The following ASTN2 variants were observed in gnomAD, a reference collection of about 807,000 sequenced individuals.
ASTN2 encodes the protein astrotactin-2.
Under a neutral mutation model 139.8 loss-of-function variants are expected in ASTN2, and 54 were observed. The observed-to-expected ratio is 0.39, with a 90% CI of 0.31 to 0.48. The LOEUF is 0.48. Ranked by LOEUF, ASTN2 falls within the 20% of genes least tolerant of loss-of-function variation. The probability of loss-of-function intolerance (pLI) is 0.95; values close to 1 mark genes in which losing one functional copy is unlikely to be tolerated. For synonymous variants in ASTN2, 756 were observed against 719.5 expected (o/e 1.05, Z -0.81); for missense variants, 1,565 against 1,725.1 (o/e 0.91, Z 1.64).
intron 1 of ASTN2, among the ~76,000 whole-genome samples, chr9:117,320,862 C>T (rs547746570): frequency 6.6e-6 from 1 of 152,292 alleles, no homozygotes; most frequent in South Asian, 2.1e-4. Flanking sequence ...ACTTTGCATC[C>T]CAGCCTGGGA....
chr9:116,827,461 T>C (rs1205509905), intron 11 of ASTN2, among the ~76,000 whole-genome samples: 1 of 151,816 alleles, frequency 6.6e-6, no homozygotes, highest in African/African-American at 2.4e-5. Flanking sequence ...GAAAAAATAA[T>C]TTTTTGAAAT....
chr9:117,358,823 T>G (rs527701714), intron 1 of ASTN2, among the ~76,000 whole-genome samples: 4 of 152,178 alleles, frequency 2.6e-5, no homozygotes, highest in Non-Finnish European at 4.4e-5. Flanking sequence ...TCTCATTCTG[T>G]CGTTCCTCTC....
intron 19 of ASTN2, among the ~76,000 whole-genome samples, chr9:116,560,980 T>C (rs1479997297): frequency 6.6e-6 from 1 of 152,144 alleles, no homozygotes; most frequent in Non-Finnish European, 1.5e-5. Flanking sequence ...GTTGTTATGC[T>C]AGGATGGGGT....
intron 20 of ASTN2, among the ~76,000 whole-genome samples, chr9:116,463,061 C>T (rs1848541498): frequency 6.6e-6 from 1 of 152,048 alleles, no homozygotes; most frequent in African/African-American, 2.4e-5. Context: ...CCCAACCCTT[C>T]CCTCTGTCTC....
At chr9:117,237,490 C>T (rs563183117) in intron 2 of ASTN2, among the ~76,000 whole-genome samples, 50 of 152,092 alleles carry the variant, frequency 3.3e-4, no homozygotes, top group African/African-American at 1.2e-3. Flanking sequence ...AGGCTGAGTT[C>T]TTCTTTTGAG....
Position 116,876,983 on chromosome 9 carries a change from C to A in ASTN2, c.1890-13250G>T, listed in dbSNP as rs141846729. Among the ~76,000 whole-genome samples the A allele has an allele frequency of 1.6e-4, 25 of 152,328 alleles. No individual in the cohort carries two copies. In the East Asian group the frequency reaches 4.6e-3, roughly 28 times the overall value. ...CAAAACAAACATGTGCTTTGTCCCT[C>A]TGGGGCTTACAGTTGTTGGGACAAG... On this transcript the variant is annotated intron_variant, in intron 10 of 22. Transcript: ENST00000313400.
intron 1 of ASTN2, among the ~76,000 whole-genome samples, chr9:117,319,189 T>C (rs1023292758): frequency 2.0e-5 from 3 of 152,208 alleles, no homozygotes; most frequent in African/African-American, 2.4e-5. Context: ...GGTTGTTTTA[T>C]GCAGATCTAT....
chr9:116,663,063 A>C (rs955189104), intron 16 of ASTN2, among the ~76,000 whole-genome samples: 3 of 152,200 alleles, frequency 2.0e-5, no homozygotes, highest in African/African-American at 7.2e-5. Flanking sequence ...CTTACTCCTC[A>C]AGAACGGATT....
intron 5 of ASTN2, among the ~76,000 whole-genome samples, chr9:117,092,352 C>T (rs1209879126): frequency 3.9e-5 from 6 of 152,150 alleles, no homozygotes; most frequent in Non-Finnish European, 8.8e-5. Flanking sequence ...CTTCTGAGCA[C>T]TCCTCTTAAA....
intron 13 of ASTN2, among the ~76,000 whole-genome samples, chr9:116,737,347 G>A (rs1042426452): frequency 7.2e-5 from 11 of 152,172 alleles, no homozygotes; most frequent in African/African-American, 2.7e-4. Context: ...TGGAAGCCTA[G>A]ACAACAGCTG....
intron 10 of ASTN2, among the ~76,000 whole-genome samples, chr9:116,921,007 C>T (rs1384325652): frequency 1.3e-5 from 2 of 152,132 alleles, no homozygotes; most frequent in South Asian, 2.1e-4. Flanking sequence ...TGAACTAGCT[C>T]ACCGTTCTAC....
intron 13 of ASTN2, among the ~76,000 whole-genome samples, chr9:116,773,975 C>T (rs1419148280): frequency 1.3e-5 from 2 of 152,192 alleles, no homozygotes; most frequent in East Asian, 1.9e-4. Flanking sequence ...TATTGTCTGG[C>T]TCTGTCCATC....
At chr9:116,471,632 A>C (rs1385450284) in intron 20 of ASTN2, among the ~76,000 whole-genome samples, 2 of 152,164 alleles carry the variant, frequency 1.3e-5, no homozygotes, top group East Asian at 3.8e-4. Flanking sequence ...ATTCATATGA[A>C]TGCTTACTGC....
chr9:116,777,333 C>T (rs990435103), intron 13 of ASTN2, among the ~76,000 whole-genome samples: 2 of 152,114 alleles, frequency 1.3e-5, no homozygotes, highest in African/African-American at 4.8e-5. Flanking sequence ...TCCTATGGGG[C>T]AGGTGTCATC....
At chr9:116,608,204 A>G (rs888076529) in intron 19 of ASTN2, among the ~76,000 whole-genome samples, 1 of 152,186 alleles carries the variant, frequency 6.6e-6, no homozygotes, top group Admixed American at 6.5e-5. Flanking sequence ...AGAGTAATGG[A>G]GAGGAGAGAG....
At chr9:116,563,379 A>G (rs1156468764) in intron 19 of ASTN2, among the ~76,000 whole-genome samples, 2 of 104,978 alleles carry the variant, frequency 1.9e-5, no homozygotes, top group Non-Finnish European at 2.0e-5. Flanking sequence ...TGTCTCAAAA[A>G]AATAAAAATA....
At chr9:116,781,519 G>A (rs376454388) in intron 13 of ASTN2, among the ~76,000 whole-genome samples, 1 of 152,242 alleles carries the variant, frequency 6.6e-6, no homozygotes, top group Non-Finnish European at 1.5e-5. Context: ...CTGGCAATTT[G>A]TGTCGGTCCA....
chr9:117,002,778 C>T lies in ASTN2; in HGVS notation c.1591+5314G>A, dbSNP rs115111475. ...AGTGAAACAGACATCTTGAACCTCCCGCCTTGCTCCAGCAAAGTTTACAGT... is the reference window on the plus strand; with the variant it reads ...AGTGAAACAGACATCTTGAACCTCCTGCCTTGCTCCAGCAAAGTTTACAGT... On this transcript the variant is annotated intron_variant, in intron 7 of 22. Transcript: ENST00000313400. Among the ~76,000 whole-genome samples the T allele has an allele frequency of 5.3e-3, 808 of 152,234 alleles. 8 individuals carry two copies. Among genetic ancestry groups the T allele is most frequent in the African/African-American group, 0.018 (759 of 41,536 alleles).
At chr9:116,778,466 TA>T (rs779508372) in intron 13 of ASTN2, among the ~76,000 whole-genome samples, 1 of 151,944 alleles carries the variant, frequency 6.6e-6, no homozygotes. Context: ...GATCAATTAC[TA>T]AAAAAAATTA....
Sources: gnomAD v4.1 joint callset for allele counts (sites outside exome capture counted in the v4.1 genomes callset) on GRCh38, gnomAD v4.1.1 for gene constraint, MANE v1.5 for transcripts, NCBI Gene and HGNC (gene_info 2026-07-23, HGNC 2026-07-21) for gene names.